NPAS3: variants seen among roughly 807,000 people sequenced by gnomAD.
NPAS3 encodes the protein neuronal PAS domain-containing protein 3.
Under a neutral mutation model 73.1 loss-of-function variants are expected in NPAS3, and 14 were observed. The observed-to-expected ratio is 0.19, with a 90% CI of 0.13 to 0.30. NPAS3 has a LOEUF of 0.30. NPAS3 is among the 10% of genes least tolerant of loss of function. The probability of loss-of-function intolerance (pLI) is 1.00; values close to 1 mark genes in which losing one functional copy is unlikely to be tolerated. For synonymous variants in NPAS3, 620 were observed against 541.5 expected (o/e 1.14, Z -2.01); for missense variants, 1,096 against 1,250.0 (o/e 0.88, Z 1.86).
intron 3 of NPAS3, among the ~76,000 whole-genome samples, chr14:33,269,695 CCTCTGAT>C (rs2040981275): frequency 6.6e-6 from 1 of 152,074 alleles, no homozygotes; most frequent in South Asian, 2.1e-4. Context: ...CTTCAGATGG[CCTCTGAT>C]ATACAAAACA....
At chr14:33,236,506 A>AC (rs1465845899) in intron 3 of NPAS3, among the ~76,000 whole-genome samples, 4 of 152,250 alleles carry the variant, frequency 2.6e-5, no homozygotes, top group Non-Finnish European at 4.4e-5. Context: ...TAGAAACAAG[A>AC]CTTACTGATA....
At chr14:33,533,062 A>G (rs1357175537) in intron 4 of NPAS3, among the ~76,000 whole-genome samples, 1 of 152,150 alleles carries the variant, frequency 6.6e-6, no homozygotes, top group East Asian at 1.9e-4. Context: ...ACATAACTGT[A>G]AACAGTGGAA....
chr14:33,400,658 G>A (rs1459519543), intron 4 of NPAS3, among the ~76,000 whole-genome samples: 1 of 152,098 alleles, frequency 6.6e-6, no homozygotes, highest in African/African-American at 2.4e-5. Context: ...TCAATGAGAA[G>A]ACAGTCAGTC....
chr14:33,320,207 G>T (rs2043380599), intron 3 of NPAS3, among the ~76,000 whole-genome samples: 1 of 152,150 alleles, frequency 6.6e-6, no homozygotes, highest in Admixed American at 6.5e-5. Flanking sequence ...GTCTAGTGTA[G>T]CTGGAGCATG....
At chr14:33,507,756 CAA>C (rs2052838480) in intron 4 of NPAS3, among the ~76,000 whole-genome samples, 1 of 151,946 alleles carries the variant, frequency 6.6e-6, no homozygotes, top group African/African-American at 2.4e-5. Flanking sequence ...TAATAAATAT[CAA>C]GAGTTAATTT....
chr14:33,515,925 T>A (rs1465853321), intron 4 of NPAS3, among the ~76,000 whole-genome samples: 1 of 152,156 alleles, frequency 6.6e-6, no homozygotes, highest in African/African-American at 2.4e-5. Flanking sequence ...GTAACCGACA[T>A]GGATGCATTA....
chr14:33,487,288 A>T (rs1415765021), intron 4 of NPAS3, among the ~76,000 whole-genome samples: 2 of 152,330 alleles, frequency 1.3e-5, no homozygotes, highest in East Asian at 3.9e-4. Context: ...CAAGTCCCAG[A>T]CATAATAGTT....
intron 2 of NPAS3, among the ~76,000 whole-genome samples, chr14:33,073,868 A>G (rs2041568532): frequency 6.6e-6 from 1 of 152,240 alleles, no homozygotes. Context: ...TGTGATAATC[A>G]TAAAGTGAGG....
chr14:33,649,355 G>A (rs1187326791), intron 5 of NPAS3, among the ~76,000 whole-genome samples: 3 of 152,186 alleles, frequency 2.0e-5, no homozygotes, highest in Non-Finnish European at 4.4e-5. Context: ...GAGACATGAC[G>A]CTGGAAACCA....
intron 5 of NPAS3, among the ~76,000 whole-genome samples, chr14:33,596,035 G>GT (rs1333530247): frequency 3.3e-5 from 5 of 152,212 alleles, no homozygotes; most frequent in Non-Finnish European, 7.3e-5. Flanking sequence ...CGGTACCAAT[G>GT]TAGAAGTCTA....
At chr14:33,606,469 G>A (rs78177498) in intron 5 of NPAS3, among the ~76,000 whole-genome samples, 7,894 of 152,146 alleles carry the variant, frequency 0.052, 269 homozygotes, top group South Asian at 0.12. Flanking sequence ...CAACAAAGAT[G>A]CAAAGATAGT....
chr14:33,285,250 C>G (rs2041826013), intron 3 of NPAS3, among the ~76,000 whole-genome samples: 1 of 152,084 alleles, frequency 6.6e-6, no homozygotes, highest in Admixed American at 6.6e-5. Flanking sequence ...AAGCTTGGTT[C>G]CCTCCATGAG....
chr14:33,554,747 CTG>C (rs2055278344), intron 4 of NPAS3, among the ~76,000 whole-genome samples: 1 of 152,188 alleles, frequency 6.6e-6, no homozygotes, highest in Non-Finnish European at 1.5e-5. Flanking sequence ...AGATGTCACT[CTG>C]TGAAATTTGG....
chr14:33,346,442 C>T (rs113638894), intron 3 of NPAS3, among the ~76,000 whole-genome samples: 26 of 145,248 alleles, frequency 1.8e-4, no homozygotes, highest in African/African-American at 5.9e-4. Context: ...GTAGGAGGAT[C>T]GCTTGAACCC....
At chr14:33,799,258 C>A (rs965921605) in intron 11 of NPAS3, among the ~76,000 whole-genome samples, 4 of 152,134 alleles carry the variant, frequency 2.6e-5, no homozygotes, top group African/African-American at 9.7e-5. Flanking sequence ...CAGTAATGAA[C>A]AAATATTCAC....
chr14:33,006,464 A>G (rs1459817999), intron 1 of NPAS3, among the ~76,000 whole-genome samples: 1 of 152,114 alleles, frequency 6.6e-6, no homozygotes, highest in African/African-American at 2.4e-5. Flanking sequence ...CTACCAACAA[A>G]TTATCGTGCT....
chr14:33,425,576 A>T (rs1437874773), intron 4 of NPAS3, among the ~76,000 whole-genome samples: 8 of 137,550 alleles, frequency 5.8e-5, no homozygotes, highest in Non-Finnish European at 1.2e-4. Context: ...CTTTGTGTTC[A>T]TGTGCTTGAC....
intron 2 of NPAS3, among the ~76,000 whole-genome samples, chr14:33,126,189 A>C (rs1220777911): frequency 6.6e-6 from 1 of 152,176 alleles, no homozygotes; most frequent in Non-Finnish European, 1.5e-5. Context: ...TATTTTTCCT[A>C]ATAGCTTTTC....
intron 1 of NPAS3, among the ~76,000 whole-genome samples, chr14:32,946,156 C>T (rs2036240428): frequency 6.6e-6 from 1 of 152,104 alleles, no homozygotes; most frequent in African/African-American, 2.4e-5. Flanking sequence ...TGGCCTCCTG[C>T]CAAATTATCT....
Sources: allele counts gnomAD v4.1 joint callset (sites outside exome capture counted in the v4.1 genomes callset), GRCh38; gene constraint gnomAD v4.1.1; transcripts MANE v1.5; gene names NCBI Gene and HGNC (gene_info 2026-07-23, HGNC 2026-07-21).